HIVEP3: variants seen among roughly 807,000 people sequenced by gnomAD.
HIVEP3 encodes the protein HIVEP zinc finger 3, also known as transcription factor HIVEP3.
Under a neutral mutation model 152.8 loss-of-function variants are expected in HIVEP3, and 49 were observed. The ratio of observed to expected loss-of-function variants is 0.32; its 90% confidence interval spans 0.26 to 0.41. The LOEUF (loss-of-function observed/expected upper bound fraction) is 0.41, where lower values mean the gene tolerates loss of function less well. HIVEP3 is among the 10% of genes least tolerant of loss of function. The probability of loss-of-function intolerance (pLI) is 1.00; values close to 1 mark genes in which losing one functional copy is unlikely to be tolerated. For synonymous variants in HIVEP3, 1,269 were observed against 1,289.0 expected, an observed-to-expected ratio of 0.98 and a Z score of 0.33; for missense variants, 2,790 against 3,103.3, an observed-to-expected ratio of 0.90 and a Z score of 2.40.
chr1:42,035,495 G>C (rs1174386408), intron 1 of HIVEP3, among the ~76,000 whole-genome samples: 2 of 152,224 alleles, frequency 1.3e-5, no homozygotes, highest in African/African-American at 4.8e-5. Flanking sequence ...GCGCGTTGCG[G>C]GGACAGGTGT....
chr1:41,820,059 G>A (rs1465515210), intron 1 of HIVEP3, among the ~76,000 whole-genome samples: 3 of 151,958 alleles, frequency 2.0e-5, no homozygotes, highest in African/African-American at 7.3e-5. Flanking sequence ...AAAAACAGGT[G>A]GTGGGCTGGA....
chr1:41,724,878 C>T (rs910169799), intron 1 of HIVEP3, among the ~76,000 whole-genome samples: 2 of 152,250 alleles, frequency 1.3e-5, no homozygotes, highest in African/African-American at 4.8e-5. Context: ...TGGGGCTCAG[C>T]AGAAGCCTGT....
chr1:41,730,829 G>A (rs1040038833), intron 1 of HIVEP3, among the ~76,000 whole-genome samples: 6 of 152,152 alleles, frequency 3.9e-5, no homozygotes, highest in South Asian at 4.1e-4. Flanking sequence ...GGGGGGTGGG[G>A]CAAGAGGACA....
At position 41,533,113 on chromosome 1, in the gene HIVEP3, T is replaced by C. The variant is rs1295382972; in HGVS notation, c.5208-8203A>G. ...CCCAGGACTTGAAAGAGGGCAGTCC[T>C]GGTTCAACGACCTGGAACCTGTGGC... On this transcript the variant is annotated intron_variant, in intron 5 of 8. Coordinates refer to ENST00000372583, the MANE Select transcript of HIVEP3 (RefSeq NM_024503.5). This position sits in a 1 kb window ranked among gnomAD's most constrained non-coding sequence, Gnocchi z 4.3. Among the ~76,000 whole-genome samples, 1 of 152,132 alleles carries C rather than the reference T, an allele frequency of 6.6e-6. No homozygotes were observed. The highest frequency in any genetic ancestry group is 1.9e-4 in the East Asian group (1 of 5,192).
intron 3 of HIVEP3, among the ~76,000 whole-genome samples, chr1:41,594,223 ATTTT>A (rs1644631037): frequency 6.6e-6 from 1 of 152,050 alleles, no homozygotes; most frequent in Admixed American, 6.6e-5. Context: ...AGTTATAATT[ATTTT>A]ATTATTATTT....
chr1:41,915,251 A>G (rs1440984919), intron 1 of HIVEP3, among the ~76,000 whole-genome samples: 3 of 152,224 alleles, frequency 2.0e-5, no homozygotes, highest in Non-Finnish European at 4.4e-5. Flanking sequence ...ATCAGTTACT[A>G]TGTTATAAAA....
chr1:41,609,860 G>A (rs1211800532), intron 3 of HIVEP3, among the ~76,000 whole-genome samples: 1 of 152,250 alleles, frequency 6.6e-6, no homozygotes, highest in Non-Finnish European at 1.5e-5. Context: ...AGGCCAAGAC[G>A]CTTGGTCAAA....
Position 41,983,098 on chromosome 1 carries a change from T to G in HIVEP3, n.119+52709A>C, listed in dbSNP as rs374347073. Among the ~76,000 whole-genome samples the G allele has an allele frequency of 1.3e-4, 20 of 152,324 alleles. No individual in the cohort carries two copies. The East Asian group carries it at 3.9e-3, about 29-fold the overall frequency. On this transcript the variant is annotated intron_variant and non_coding_transcript_variant, in intron 1 of 3. Coordinates refer to the HIVEP3 transcript ENST00000489103. Reference sequence around the variant, plus strand: ...TAGGGTTCACACCCCTACGAGAATCTAATGCCCTGCTCATCTGACAGGAGG... The same window carrying G: ...TAGGGTTCACACCCCTACGAGAATCGAATGCCCTGCTCATCTGACAGGAGG...
intron 1 of HIVEP3, among the ~76,000 whole-genome samples, chr1:41,940,718 T>C (rs761216548): frequency 1.3e-5 from 2 of 152,086 alleles, no homozygotes; most frequent in Admixed American, 1.3e-4. Flanking sequence ...AAAATGAATG[T>C]TGCCTCTAAA....
intron 1 of HIVEP3, among the ~76,000 whole-genome samples, chr1:41,840,853 C>T (rs1472131740): frequency 2.6e-5 from 4 of 152,196 alleles, no homozygotes; most frequent in African/African-American, 7.2e-5. Flanking sequence ...TCAAGTAGAG[C>T]ACTCAAATTC....
At chr1:41,828,416 GCATTAGCTACTT>G (rs1416116198) in intron 1 of HIVEP3, among the ~76,000 whole-genome samples, 2 of 152,194 alleles carry the variant, frequency 1.3e-5, no homozygotes, top group African/African-American at 4.8e-5. Flanking sequence ...CGTCCAAATG[GCATTAGCTACTT>G]CAGTTGATAA....
At chr1:41,587,791 AC>A (rs975330914) in intron 3 of HIVEP3, among the ~76,000 whole-genome samples, 1 of 151,686 alleles carries the variant, frequency 6.6e-6, no homozygotes, top group East Asian at 1.9e-4. Context: ...GTGCCTCTTG[AC>A]CCCCCAGCCA....
intron 1 of HIVEP3, among the ~76,000 whole-genome samples, chr1:41,724,586 T>G (rs951931793): frequency 2.6e-5 from 4 of 152,180 alleles, no homozygotes; most frequent in African/African-American, 9.7e-5. Flanking sequence ...TTGGGACATA[T>G]GATGGAGACT....
chr1:41,584,446 T>C lies in HIVEP3; in HGVS notation c.352A>G (p.Thr118Ala). The C allele has an allele frequency of 6.2e-7, 1 of 1,614,120 alleles. No individual in the cohort carries two copies. ...CTCATGGGGTCAACCAGTTGCCATG[T>C]GGACCCCTCCAGGAGATGCTCAGGT... ...GKPEHLLEGS[T>A]WQLVDPMRPG... Residue 118 changes from threonine (T) to alanine (A), a missense_variant, in exon 4 of 9, where the codon ACA becomes GCA. This residue lies in a region of HIVEP3 where 209 missense variants were observed against 237.0 expected (regional missense o/e 0.88). Coordinates refer to ENST00000372583, the MANE Select transcript of HIVEP3 (RefSeq NM_024503.5). The surrounding 1 kb of genome is among the most constrained non-coding windows in gnomAD (Gnocchi z 5.2).
At chr1:41,563,182 A>G (rs1438921908) in intron 5 of HIVEP3, among the ~76,000 whole-genome samples, 1 of 151,998 alleles carries the variant, frequency 6.6e-6, no homozygotes, top group Non-Finnish European at 1.5e-5. Flanking sequence ...TCCCATCTCT[A>G]CTAAAAATAC....
chr1:41,889,400 T>A (rs1344053646), intron 1 of HIVEP3, among the ~76,000 whole-genome samples: 1 of 152,056 alleles, frequency 6.6e-6, no homozygotes, highest in Non-Finnish European at 1.5e-5. Flanking sequence ...CTTCTCAATG[T>A]CCCCGACACT....
At chr1:41,864,130 C>T (rs1643926160) in intron 1 of HIVEP3, among the ~76,000 whole-genome samples, 1 of 152,046 alleles carries the variant, frequency 6.6e-6, no homozygotes, top group African/African-American at 2.4e-5. Flanking sequence ...AATTCTTCCA[C>T]TGGAGATTCC....
rs202035754 is a variant in HIVEP3, at chr1:41,807,023, CG to C, written c.-800-106029del. 6.0e-5 allele frequency among the ~76,000 whole-genome samples: 7 copies of C among 117,546 alleles called. No individual in the cohort carries two copies. The South Asian group carries it at 8.4e-4, about 14-fold the overall frequency. The allele number at this position is 117,546 out of a possible 152,430, so 77.1% of individuals were successfully genotyped here. A position where few individuals can be genotyped will look rare whatever the true frequency, so the allele number is the denominator to read the frequency against. On this transcript the variant is annotated intron_variant, in intron 1 of 8. Transcript: ENST00000372583. ...GGGTGCAGTTTCCTCCCTTCCTCCC[CG>C]CCCAGCCCACCTACGGCTCTCCTCC...
intron 1 of HIVEP3, among the ~76,000 whole-genome samples, chr1:41,925,470 T>C (rs58306822): frequency 0.088 from 13,350 of 152,166 alleles, 1,061 homozygotes; most frequent in East Asian, 0.43. Context: ...TAAGTGGAAG[T>C]GAATCATCAT....
Sources: gnomAD v4.1 joint callset for allele counts (sites outside exome capture counted in the v4.1 genomes callset) on GRCh38, gnomAD v4.1.1 for gene constraint, gnomAD v4.1.1 regional missense constraint, Gnocchi (gnomAD v3.1) non-coding constraint, MANE v1.5 for transcripts, NCBI Gene and HGNC (gene_info 2026-07-23, HGNC 2026-07-21) for gene names.